The following SCNN1G variants were observed in gnomAD, a reference collection of about 807,000 sequenced individuals.
SCNN1G encodes sodium channel epithelial 1 subunit gamma, also known as epithelial sodium channel subunit gamma.
SCNN1G carries 27 observed loss-of-function variants against 64.6 expected under a neutral mutation model. The ratio of observed to expected loss-of-function variants is 0.42; its 90% CI spans 0.31 to 0.58. The LOEUF (loss-of-function observed/expected upper bound fraction) is 0.58. SCNN1G is among the 20% of genes least tolerant of loss of function. The probability of loss-of-function intolerance (pLI) is 0.18; values close to 1 mark genes in which losing one functional copy is unlikely to be tolerated. For missense variants in SCNN1G, 743 were observed against 823.4 expected (o/e 0.90, Z 1.19); for synonymous variants, 330 against 314.2 (o/e 1.05, Z -0.53).
At position 23,215,353 on chromosome 16, in the gene SCNN1G, C is replaced by T; in HGVS notation, c.1834C>T (p.Pro612Ser). 1 of 1,614,180 alleles carries T rather than the reference C, an allele frequency of 6.2e-7. No homozygotes were observed. The highest frequency in any genetic ancestry group is 8.5e-7 in the Non-Finnish European group (1 of 1,180,036). Residue 612 changes from proline (P) to serine (S), a missense_variant, in exon 13 of 13, where the codon CCT (proline) becomes TCT (serine). Physicochemically the swap from Pro to Ser is moderately conservative, Grantham distance 74 (BLOSUM62 -1). Coordinates refer to ENST00000300061, the MANE Select transcript of SCNN1G (RefSeq NM_001039.4). The stretch of plus-strand genomic sequence containing the variant: ...CACTTTCAACTCTGCTTTGCACCTG[C>T]CTCCAGCCCTAGGAACCCAAGTGCC... The part of the protein sequence containing the change: ...LPTFNSALHL[P>S]PALGTQVPGT...
At chr16:23,205,690 G>T (rs572447742) in intron 6 of SCNN1G, among the ~76,000 whole-genome samples, 1 of 142,966 alleles carries the variant, frequency 7.0e-6, no homozygotes, top group Admixed American at 7.5e-5. Flanking sequence ...ACAGAGTGAG[G>T]CTCCATCTCC....
At chr16:23,194,098 A>G (rs1244521433) in intron 4 of SCNN1G, 73 bp from the exon 5 acceptor site, 8 of 983,748 alleles carry the variant, frequency 8.1e-6, no homozygotes, top group South Asian at 7.7e-5. Context: ...TGGCTCCATT[A>G]GCACTGCCCT....
chr16:23,210,797 A>G (rs1960066525), intron 7 of SCNN1G, among the ~76,000 whole-genome samples: 1 of 152,128 alleles, frequency 6.6e-6, no homozygotes, highest in Non-Finnish European at 1.5e-5. Context: ...TTTGGGAGAC[A>G]AAGGTAGGAA....
Position 23,209,867 on chromosome 16 carries a change from CA to C in SCNN1G, c.1176+20del. On this transcript the variant is annotated intron_variant, in intron 7 of 12. Coordinates refer to ENST00000300061, the MANE Select transcript of SCNN1G (RefSeq NM_001039.4). The stretch of plus-strand genomic sequence containing the variant: ...GCTCCAGGTAACAGATTGGCAGGGG[CA>C]CCCAGCCCTGGGTTTATGGCCCGGA... 2 of 1,570,988 alleles carry C rather than the reference CA, an allele frequency of 1.3e-6. No individual in the cohort carries two copies. Among genetic ancestry groups the C allele is most frequent in the Non-Finnish European group, 1.8e-6 (2 of 1,140,516 alleles).
rs559719191 is a variant in SCNN1G, at chr16:23,208,484, T to C, written c.1078-1266T>C. Among the ~76,000 whole-genome samples the C allele has an allele frequency of 2.0e-5, 3 of 152,248 alleles. No homozygotes were observed. The East Asian group carries it at 5.8e-4, about 29-fold the overall frequency. ...TAGCTTTTTTCTAAGAAAGTCAACA[T>C]CCTTCAAGTCAACTTCTGGGACCAG... On this transcript the variant is annotated intron_variant, in intron 6 of 12. Transcript: ENST00000300061.
At chr16:23,214,866 C>A in intron 12 of SCNN1G, 79 bp downstream of exon 12, 1 of 1,308,202 alleles carries the variant, frequency 7.6e-7, no homozygotes, top group Non-Finnish European at 1.1e-6. Flanking sequence ...GGAGCAGAAT[C>A]AGGGTAGGGG....
chr16:23,207,151 G>A (rs1039469088), intron 6 of SCNN1G, among the ~76,000 whole-genome samples: 10 of 152,196 alleles, frequency 6.6e-5, no homozygotes, highest in Non-Finnish European at 1.2e-4. Flanking sequence ...AATCCAAATG[G>A]TTTCTCATAA....
At chr16:23,203,912 C>T (rs142534850) in intron 6 of SCNN1G, among the ~76,000 whole-genome samples, 93 of 151,238 alleles carry the variant, frequency 6.1e-4, no homozygotes, top group African/African-American at 2.2e-3. Flanking sequence ...TACTTCATGG[C>T]TGGTGAGAAT....
intron 6 of SCNN1G, among the ~76,000 whole-genome samples, chr16:23,201,660 C>T (rs1959891458): frequency 6.6e-6 from 1 of 152,174 alleles, no homozygotes; most frequent in Admixed American, 6.6e-5. Flanking sequence ...GTGTGTGAAG[C>T]TGGTAGGCTC....
chr16:23,212,987 AG>A (rs1384678891), intron 10 of SCNN1G, 93 bp downstream of exon 10: 3 of 1,530,100 alleles, frequency 2.0e-6, no homozygotes, highest in African/African-American at 1.4e-5. Context: ...GACATGGTCC[AG>A]GGGGAAAAGA....
intron 6 of SCNN1G, among the ~76,000 whole-genome samples, chr16:23,199,409 T>A (rs188862154): frequency 6.6e-6 from 1 of 152,134 alleles, no homozygotes; most frequent in Admixed American, 6.5e-5. Flanking sequence ...AAAGCAATGG[T>A]GCAATGTGAC....
chr16:23,184,615 A>C (rs1318987810), intron 1 of SCNN1G, among the ~76,000 whole-genome samples: 1 of 152,134 alleles, frequency 6.6e-6, no homozygotes, highest in East Asian at 1.9e-4. Context: ...TGCTCTGGAC[A>C]TCTCACCTCC....
chr16:23,197,008 G>A (rs1193228836), intron 5 of SCNN1G, among the ~76,000 whole-genome samples: 2 of 152,186 alleles, frequency 1.3e-5, no homozygotes, highest in Non-Finnish European at 2.9e-5. Context: ...TGGCAAAAAC[G>A]TATGCTTGGC....
At chr16:23,184,822 T>C (rs4073289) in intron 1 of SCNN1G, among the ~76,000 whole-genome samples, 32,964 of 152,034 alleles carry the variant, frequency 0.22, 3,895 homozygotes, top group Admixed American at 0.31. Flanking sequence ...GTCACAGACA[T>C]GGGTCCTCTC....
Position 23,215,788 on chromosome 16 carries a change from G to T in SCNN1G, c.*319G>T. On this transcript the variant is annotated 3_prime_UTR_variant, in exon 13 of 13. Coordinates refer to ENST00000300061, the MANE Select transcript of SCNN1G (RefSeq NM_001039.4). Reference sequence around the variant, plus strand: ...GAAGGCCAGAGTGAGGACTGATGCAGCTCTTTACGGGTCTTGAGAGGGAAG... The same window carrying T: ...GAAGGCCAGAGTGAGGACTGATGCATCTCTTTACGGGTCTTGAGAGGGAAG... The T allele has an allele frequency of 2.3e-6, 1 of 442,014 alleles. No homozygotes were observed. The highest frequency in any genetic ancestry group is 4.2e-6 in the Non-Finnish European group (1 of 238,154). The allele number at this position is 442,014 out of a possible 1,614,324, so 27.4% of individuals were successfully genotyped here.
chr16:23,204,334 T>TATATATAGAGAG (rs1567267153), intron 6 of SCNN1G, among the ~76,000 whole-genome samples: 2 of 15,174 alleles, frequency 1.3e-4, no homozygotes, highest in African/African-American at 5.6e-4. Flanking sequence ...TATATATATA[T>TATATATAGAGAG]AGAGAGAGAG....
At chr16:23,192,019 G>T (rs191326795) in intron 3 of SCNN1G, among the ~76,000 whole-genome samples, 1 of 152,164 alleles carries the variant, frequency 6.6e-6, no homozygotes, top group Non-Finnish European at 1.5e-5. Context: ...AAATGGGAAA[G>T]GTTGTTAGGA....
chr16:23,199,040 A>G (rs1175457525), intron 6 of SCNN1G, among the ~76,000 whole-genome samples: 1 of 151,680 alleles, frequency 6.6e-6, no homozygotes, highest in East Asian at 2.0e-4. Context: ...TTTTTTAAGA[A>G]CTTATTTAAA....
At position 23,209,789 on chromosome 16, in the gene SCNN1G, A is replaced by T. The variant is rs777705170; in HGVS notation, c.1117A>T (p.Thr373Ser). Residue 373 changes from threonine to serine, a missense_variant, in exon 7 of 13, where the codon ACG becomes TCG. By Grantham distance (58) the Thr-to-Ser change is moderately conservative. Transcript: ENST00000300061. ...GCTGAGTGAGCCCTACAGTCAGTGC[A>T]CGGAGGACGGGAGTGACGTGCCAAT... ...FKLSEPYSQC[T>S]EDGSDVPIRN... 2.5e-6 allele frequency: 4 copies of T among 1,613,988 alleles called. No individual in the cohort carries two copies. The highest frequency in any genetic ancestry group is 3.4e-6 in the Non-Finnish European group (4 of 1,179,960).
Sources: allele counts gnomAD v4.1 joint callset (sites outside exome capture counted in the v4.1 genomes callset), GRCh38; gene constraint gnomAD v4.1.1; transcripts MANE v1.5; gene names NCBI Gene and HGNC (gene_info 2026-07-23, HGNC 2026-07-21).